Variants in CACNA2D2 observed in about 807,000 individuals in gnomAD.
CACNA2D2 encodes the protein calcium voltage-gated channel auxiliary subunit alpha2delta 2.
Under a neutral mutation model 166.4 loss-of-function variants are expected in CACNA2D2, and 48 were observed. The ratio of observed to expected loss-of-function variants is 0.29; its 90% CI spans 0.23 to 0.37. The LOEUF (loss-of-function observed/expected upper bound fraction) is 0.37. Ranked by LOEUF, CACNA2D2 falls within the 10% of genes least tolerant of loss-of-function variation. The pLI, the probability that CACNA2D2 is intolerant of heterozygous loss-of-function variation, is 1.00. For missense variants in CACNA2D2, 1,122 were observed against 1,433.0 expected, an observed-to-expected ratio of 0.78 and a Z score of 3.50; for synonymous variants, 561 against 573.7, an observed-to-expected ratio of 0.98 and a Z score of 0.32.
intron 4 of CACNA2D2, 24 bp from the exon 5 acceptor site, chr3:50,387,636 G>GC: frequency 6.3e-7 from 1 of 1,598,434 alleles, no homozygotes; most frequent in African/African-American, 1.3e-5. Flanking sequence ...AGAGGCCTCA[G>GC]CACTAGCTGC....
At chr3:50,374,714 C>G (rs757923902) in intron 22 of CACNA2D2, 23 bp downstream of exon 22, 3 of 1,576,962 alleles carry the variant, frequency 1.9e-6, no homozygotes, top group Middle Eastern at 1.7e-4. Context: ...GTGCAGGGCG[C>G]AGGCAGGGGC....
At chr3:50,489,144 C>T (rs1698414800) in intron 1 of CACNA2D2, among the ~76,000 whole-genome samples, 1 of 152,144 alleles carries the variant, frequency 6.6e-6, no homozygotes, top group African/African-American at 2.4e-5. Context: ...AAATGTGATC[C>T]CATCATAAAG....
chr3:50,400,761 C>G (rs769887665), intron 3 of CACNA2D2, among the ~76,000 whole-genome samples: 1 of 152,244 alleles, frequency 6.6e-6, no homozygotes, highest in Admixed American at 6.5e-5. Context: ...CCCCTTCCTT[C>G]GCCCCTTGGC....
intron 2 of CACNA2D2, among the ~76,000 whole-genome samples, chr3:50,470,781 G>T (rs1019506407): frequency 4.0e-5 from 6 of 151,828 alleles, no homozygotes; most frequent in Admixed American, 1.3e-4. Context: ...AGGCCGGGTT[G>T]GGGGGGACAC....
chr3:50,386,574 C>T (rs928611003), intron 5 of CACNA2D2, among the ~76,000 whole-genome samples: 2 of 152,220 alleles, frequency 1.3e-5, no homozygotes, highest in African/African-American at 2.4e-5. Flanking sequence ...CACCCCGCTC[C>T]GTCTCGGGCC....
intron 6 of CACNA2D2, among the ~76,000 whole-genome samples, chr3:50,382,312 T>A (rs1705363792): frequency 6.6e-6 from 1 of 152,034 alleles, no homozygotes; most frequent in Non-Finnish European, 1.5e-5. Flanking sequence ...CGTACAGGGA[T>A]CCCCATCAAA....
intron 3 of CACNA2D2, among the ~76,000 whole-genome samples, chr3:50,423,539 C>A (rs1221830525): frequency 6.6e-6 from 1 of 152,246 alleles, no homozygotes; most frequent in African/African-American, 2.4e-5. Flanking sequence ...ATATGTGAAT[C>A]AAGAATGGAG....
intron 1 of CACNA2D2, among the ~76,000 whole-genome samples, chr3:50,490,129 G>A (rs963333321): frequency 6.6e-6 from 1 of 152,158 alleles, no homozygotes; most frequent in Non-Finnish European, 1.5e-5. Flanking sequence ...CTATGCAGAG[G>A]AGCGGTTTGG....
At position 50,461,750 on chromosome 3, in the gene CACNA2D2, A is replaced by C. The variant is rs1379520164; in HGVS notation, c.288+14368T>G. On this transcript the variant is annotated intron_variant, in intron 2 of 37. Coordinates refer to ENST00000424201, the MANE Select transcript of CACNA2D2 (RefSeq NM_006030.4). ...CACTCCAGCCTGGGGAGTCTCAAAA[A>C]AAAAAAAAAAAAAGAAAAAAAGAAA... 4.4e-5 allele frequency among the ~76,000 whole-genome samples: 6 copies of C among 135,320 alleles called. No individual in the cohort carries two copies. The Admixed American group carries it at 4.6e-4, about 10-fold the overall frequency. The allele number at this position is 135,320 out of a possible 152,430, so 88.8% of individuals were successfully genotyped here.
At chr3:50,452,657 T>G (rs1709155554) in intron 2 of CACNA2D2, among the ~76,000 whole-genome samples, 1 of 152,206 alleles carries the variant, frequency 6.6e-6, no homozygotes, top group South Asian at 2.1e-4. Context: ...CTGAGTAAGA[T>G]TCAAAACAAA....
intron 5 of CACNA2D2, 85 bp downstream of exon 5, chr3:50,387,483 G>T: frequency 8.9e-7 from 1 of 1,120,294 alleles, no homozygotes; most frequent in Non-Finnish European, 1.4e-6. Context: ...AGCTCAGAAT[G>T]TGTGGCGCTG....
At chr3:50,381,903 T>C (rs1169454739) in intron 6 of CACNA2D2, among the ~76,000 whole-genome samples, 1 of 150,732 alleles carries the variant, frequency 6.6e-6, no homozygotes, top group Non-Finnish European at 1.5e-5. Flanking sequence ...CACAACCCCC[T>C]ACCATCAGTT....
chr3:50,379,651 G>A lies in CACNA2D2; in HGVS notation c.994-61C>T. 1 of 1,611,824 alleles carries A rather than the reference G, an allele frequency of 6.2e-7. No individual in the cohort carries two copies. The highest frequency in any genetic ancestry group is 1.7e-5 in the Admixed American group (1 of 60,000). The stretch of plus-strand genomic sequence containing the variant: ...TGGCCGGGGTAGGCAGCTATTGCAT[G>A]GGGCTGGTGATGGTCACAGGAGCAG... On this transcript the variant is annotated intron_variant, in intron 10 of 37. Transcript: ENST00000424201. The surrounding 1 kb of genome is among the most constrained non-coding windows in gnomAD (Gnocchi z 6.5).
At position 50,363,076 on chromosome 3, in the gene CACNA2D2, G is replaced by A. The variant is rs1488148098; in HGVS notation, c.*1590C>T. 1.0e-5 allele frequency: 4 copies of A among 398,490 alleles called. No individual in the cohort carries two copies. The East Asian group carries it at 1.4e-4, about 14-fold the overall frequency. 24.7% of individuals were successfully genotyped at this position (398,490 alleles called of 1,614,324 possible). On this transcript the variant is annotated 3_prime_UTR_variant, in exon 38 of 38. Transcript: ENST00000424201. Reference sequence around the variant, plus strand: ...GCTGGGGGTTAGACAGCTACCTGATGGGGATTGTTTTGTCTGTTTTTCTGT... The same window carrying A: ...GCTGGGGGTTAGACAGCTACCTGATAGGGATTGTTTTGTCTGTTTTTCTGT...
At chr3:50,442,433 C>T (rs1340240659) in intron 2 of CACNA2D2, among the ~76,000 whole-genome samples, 1 of 152,198 alleles carries the variant, frequency 6.6e-6, no homozygotes, top group Non-Finnish European at 1.5e-5. Context: ...TGAGCCCCTG[C>T]CTCTGAGCTC....
chr3:50,439,045 T>C (rs939024809), intron 2 of CACNA2D2, among the ~76,000 whole-genome samples: 2 of 152,258 alleles, frequency 1.3e-5, no homozygotes, highest in Non-Finnish European at 2.9e-5. Flanking sequence ...TTAAGGCGCA[T>C]GCAAAACTGC....
chr3:50,469,674 A>C (rs1709982184), intron 2 of CACNA2D2, among the ~76,000 whole-genome samples: 1 of 152,156 alleles, frequency 6.6e-6, no homozygotes, highest in South Asian at 2.1e-4. Context: ...TGAGGGAATC[A>C]AGGCTCAGAG....
At position 50,407,032 on chromosome 3, in the gene CACNA2D2, A is replaced by G. The variant is rs141159743; in HGVS notation, c.406-12864T>C. ...AACCTGGATATTGGTGCTTGTATCT[A>G]GGTACCTTGACCTAGGTGCTTGATC... On this transcript the variant is annotated intron_variant, in intron 3 of 37. Transcript: ENST00000424201. Among the ~76,000 whole-genome samples, 1,033 of 151,966 alleles carry G rather than the reference A, an allele frequency of 6.8e-3. 20 individuals carry two copies. Among genetic ancestry groups the G allele is most frequent in the Non-Finnish European group, 4.0e-3 (273 of 68,040 alleles).
chr3:50,503,162 G>C, intron 1 of CACNA2D2, 56 bp downstream of exon 1: 4 of 1,052,360 alleles, frequency 3.8e-6, no homozygotes, highest in Non-Finnish European at 4.7e-6. Flanking sequence ...GCGGACCGGG[G>C]GCAGAGCGGG....
Sources: allele counts gnomAD v4.1 joint callset (sites outside exome capture counted in the v4.1 genomes callset), GRCh38; gene constraint gnomAD v4.1.1; non-coding constraint Gnocchi (gnomAD v3.1); transcripts MANE v1.5; gene names NCBI Gene and HGNC (gene_info 2026-07-23, HGNC 2026-07-21).